The following MGAT4C variants were observed in gnomAD, a reference collection of about 807,000 sequenced individuals.
MGAT4C encodes the protein MGAT4 family member C, also known as alpha-1,3-mannosyl-glycoprotein 4-beta-N-acetylglucosaminyltransferase C.
In MGAT4C, 19 loss-of-function variants were observed where a neutral mutation model predicts 40.1. The ratio of observed to expected loss-of-function variants is 0.47; its 90% CI spans 0.33 to 0.70. The LOEUF is 0.70. MGAT4C is among the 30% of genes least tolerant of loss of function. The pLI is 0.02. For missense variants in MGAT4C, 491 were observed against 563.2 expected (o/e 0.87, Z 1.30); for synonymous variants, 181 against 187.1 (o/e 0.97, Z 0.27).
intron 2 of MGAT4C, among the ~76,000 whole-genome samples, chr12:86,482,452 A>G (rs148197723): frequency 2.0e-5 from 3 of 152,132 alleles, no homozygotes; most frequent in Admixed American, 6.6e-5. Flanking sequence ...TTAATTATAT[A>G]TATACTCGGG....
chr12:86,486,723 T>C (rs946385875), intron 2 of MGAT4C, among the ~76,000 whole-genome samples: 1 of 152,172 alleles, frequency 6.6e-6, no homozygotes, highest in Non-Finnish European at 1.5e-5. Context: ...CTCACAAAAG[T>C]GGACCTAACA....
intron 2 of MGAT4C, among the ~76,000 whole-genome samples, chr12:86,608,148 T>C (rs1037178218): frequency 1.3e-5 from 2 of 152,104 alleles, no homozygotes; most frequent in African/African-American, 4.8e-5. Flanking sequence ...AAGAAGTTAG[T>C]AATCTGATAA....
At chr12:86,091,840 T>C (rs543774209) in intron 1 of MGAT4C, among the ~76,000 whole-genome samples, 7 of 151,896 alleles carry the variant, frequency 4.6e-5, no homozygotes, top group Non-Finnish European at 5.9e-5. Flanking sequence ...TTCCTGCCTC[T>C]GGCATTCACC....
At chr12:86,391,806 G>A (rs1956165468) in intron 3 of MGAT4C, among the ~76,000 whole-genome samples, 1 of 152,202 alleles carries the variant, frequency 6.6e-6, no homozygotes. Context: ...CTTGCAGTGA[G>A]CTGAGATCGC....
chr12:86,674,873 G>T (rs2136569178), intron 2 of MGAT4C, among the ~76,000 whole-genome samples: 1 of 152,146 alleles, frequency 6.6e-6, no homozygotes. Context: ...TGAATCTCTT[G>T]TTTATTTAAT....
intron 1 of MGAT4C, among the ~76,000 whole-genome samples, chr12:86,768,023 T>C (rs375086791): frequency 2.0e-5 from 3 of 152,110 alleles, no homozygotes; most frequent in African/African-American, 7.2e-5. Context: ...CTAGGGCAAT[T>C]AGGCAGGAGA....
At chr12:86,164,381 CTATTTAATCATACA>C (rs1885953482) in intron 1 of MGAT4C, among the ~76,000 whole-genome samples, 1 of 152,114 alleles carries the variant, frequency 6.6e-6, no homozygotes, top group South Asian at 2.1e-4. Flanking sequence ...ATGTATTTTA[CTATTTAATCATACA>C]TATTTAATCA....
chr12:86,180,441 A>T (rs1361938019), intron 1 of MGAT4C, among the ~76,000 whole-genome samples: 1 of 152,176 alleles, frequency 6.6e-6, no homozygotes, highest in African/African-American at 2.4e-5. Flanking sequence ...AGAGTGGTAG[A>T]TACACAGACA....
chr12:86,314,284 C>T (rs1004155641), intron 4 of MGAT4C, among the ~76,000 whole-genome samples: 5 of 152,088 alleles, frequency 3.3e-5, no homozygotes, highest in South Asian at 2.1e-4. Flanking sequence ...AGGCTGGGCG[C>T]GGTGGCTCAC....
Position 85,968,628 on chromosome 12 carries a change from G to T in MGAT4C, c.*10661C>A, listed in dbSNP as rs1883473320. 1 of 151,910 alleles carries T rather than the reference G, an allele frequency of 6.6e-6. No homozygotes were observed. Among genetic ancestry groups the T allele is most frequent in the Non-Finnish European group, 1.5e-5 (1 of 67,880 alleles). The allele number at this position is 151,910 out of a possible 1,614,324, so 9.4% of individuals were successfully genotyped here. On this transcript the variant is annotated 3_prime_UTR_variant, in exon 5 of 5. Coordinates refer to ENST00000611864, the MANE Select transcript of MGAT4C (RefSeq NM_001351288.2). ...ATAATCTTTCAAACTGGATAAATGGGAAGTTTTGGAATTTTACTGTGGTAC... is the reference window on the plus strand; with the variant it reads ...ATAATCTTTCAAACTGGATAAATGGTAAGTTTTGGAATTTTACTGTGGTAC...
At position 86,492,868 on chromosome 12, in the gene MGAT4C, G is replaced by A. The variant is rs528809458; in HGVS notation, c.-228-57603C>T. 2.2e-4 allele frequency among the ~76,000 whole-genome samples: 34 copies of A among 152,148 alleles called. No homozygotes were observed. In the South Asian group the frequency reaches 5.2e-3, roughly 23 times the overall value. On this transcript the variant is annotated intron_variant, in intron 2 of 7. Coordinates refer to the MGAT4C transcript ENST00000548651. ...CATCAGAGTGAACAGGCAACCTACA[G>A]AATGGGAGAAAATTTTGCAACCTAC...
At chr12:86,421,080 G>C (rs1475015520) in intron 3 of MGAT4C, among the ~76,000 whole-genome samples, 1 of 151,886 alleles carries the variant, frequency 6.6e-6, no homozygotes, top group South Asian at 2.1e-4. Flanking sequence ...AATGTCAGTA[G>C]GAATTTGAGT....
intron 1 of MGAT4C, among the ~76,000 whole-genome samples, chr12:86,767,584 T>A (rs1353324103): frequency 1.3e-5 from 2 of 152,152 alleles, no homozygotes; most frequent in South Asian, 2.1e-4. Context: ...TTGAGACCAA[T>A]ATCCTTGATG....
chr12:86,525,935 A>T lies in MGAT4C; in HGVS notation c.-228-90670T>A, dbSNP rs1362021019. Among the ~76,000 whole-genome samples, 10 of 152,370 alleles carry T rather than the reference A, an allele frequency of 6.6e-5. No homozygotes were observed. In the South Asian group the frequency reaches 8.3e-4, roughly 13 times the overall value. The stretch of plus-strand genomic sequence containing the variant: ...GGATCCGTCCTCATTCGCATGTGCC[A>T]GCAGCAGTGGCAATGCAGCAGCATG... On this transcript the variant is annotated intron_variant, in intron 2 of 7. Transcript: ENST00000548651.
rs183499237 is a variant in MGAT4C at position 85,955,799 on chromosome 12, T to C, written c.*23490A>G. On this transcript the variant is annotated 3_prime_UTR_variant, in exon 5 of 5. Transcript: ENST00000611864. The stretch of plus-strand genomic sequence containing the variant: ...AGCCATCAAGCATACTGGTTCACCA[T>C]GTTGCAGACTTTAAAAAAATACAGG... 38 of 152,334 alleles carry C rather than the reference T, an allele frequency of 2.5e-4. No individual in the cohort carries two copies. The highest frequency in any genetic ancestry group is 2.2e-3 in the Admixed American group (34 of 15,300). The allele number at this position is 152,334 out of a possible 1,614,324, so 9.4% of individuals were successfully genotyped here.
At chr12:86,441,021 A>G (rs1487910757) in intron 2 of MGAT4C, among the ~76,000 whole-genome samples, 2 of 152,162 alleles carry the variant, frequency 1.3e-5, no homozygotes, top group African/African-American at 4.8e-5. Flanking sequence ...AATTAATATC[A>G]TGAAAATGAT....
chr12:86,805,880 CTTTTA>C (rs1320992637), intron 1 of MGAT4C, among the ~76,000 whole-genome samples: 2 of 151,792 alleles, frequency 1.3e-5, no homozygotes. Context: ...TTGCCAGCAT[CTTTTA>C]TTTTTATTTT....
chr12:86,396,668 A>T (rs1956268742), intron 3 of MGAT4C, among the ~76,000 whole-genome samples: 1 of 152,168 alleles, frequency 6.6e-6, no homozygotes, highest in Non-Finnish European at 1.5e-5. Context: ...GTGGCAGGTA[A>T]GATATGGGGC....
At chr12:86,572,088 A>G (rs957519717) in intron 2 of MGAT4C, among the ~76,000 whole-genome samples, 3 of 152,144 alleles carry the variant, frequency 2.0e-5, no homozygotes, top group African/African-American at 7.2e-5. Context: ...TTGGACAAGG[A>G]TGGATAATTT....
Sources: gnomAD v4.1 joint callset for allele counts (sites outside exome capture counted in the v4.1 genomes callset) on GRCh38, gnomAD v4.1.1 for gene constraint, MANE v1.5 for transcripts, NCBI Gene and HGNC (gene_info 2026-07-23, HGNC 2026-07-21) for gene names.